The following PLEKHF2 variants were observed in gnomAD, a reference collection of about 807,000 sequenced individuals.
The protein encoded by PLEKHF2 is pleckstrin homology domain-containing family F member 2.
PLEKHF2 carries 4 observed loss-of-function variants against 14.7 expected under a neutral mutation model. That is an observed-to-expected ratio of 0.27 (90% CI 0.13 to 0.62). PLEKHF2 has a LOEUF of 0.62. PLEKHF2 is among the 20% of genes least tolerant of loss of function. The probability of loss-of-function intolerance (pLI) is 0.85; values close to 1 mark genes in which losing one functional copy is unlikely to be tolerated. For synonymous variants in PLEKHF2, 90 were observed against 103.5 expected (o/e 0.87, Z 0.79); for missense variants, 201 against 307.7 (o/e 0.65, Z 2.60).
chr8:95,148,696 T>G (rs1334468771), intron 1 of PLEKHF2, among the ~76,000 whole-genome samples: 6 of 152,110 alleles, frequency 3.9e-5, no homozygotes, highest in Non-Finnish European at 8.8e-5. Context: ...ATTATTCCCA[T>G]GTACAAGTAA....
In PLEKHF2 at chr8:95,143,093, C is replaced by CTTT. The variant is rs35086823; in HGVS notation, c.-15+9076_-15+9078dup. Among the ~76,000 whole-genome samples the CTTT allele has an allele frequency of 1.1e-3, 151 of 141,042 alleles. 3 individuals are homozygous for CTTT. Among genetic ancestry groups the CTTT allele is most frequent in the African/African-American group, 2.2e-3 (82 of 37,612 alleles). 92.5% of individuals were successfully genotyped at this position (141,042 alleles called of 152,430 possible). The stretch of plus-strand genomic sequence containing the variant: ...CAAATACAAAGTTGGAGGAAATAAT[C>CTTT]TTTTTTTTTTTTTTTCTTTTTTTTG... On this transcript the variant is annotated intron_variant, in intron 1 of 1. Transcript: ENST00000315367.
intron 1 of PLEKHF2, among the ~76,000 whole-genome samples, chr8:95,143,093 C>CTTTTTT (rs35086823): frequency 1.1e-4 from 16 of 141,042 alleles, no homozygotes; most frequent in Non-Finnish European, 2.0e-4. Flanking sequence ...AGGAAATAAT[C>CTTTTTT]TTTTTTTTTT....
rs114661450 is a variant in PLEKHF2 at position 95,139,356 on chromosome 8, A to G, written c.-15+5326A>G. ...AAACCCCGTCTCTACAAAATACACAAAAATTAGTTGGGCAGGGTGGCATGC... is the reference window on the plus strand; with the variant it reads ...AAACCCCGTCTCTACAAAATACACAGAAATTAGTTGGGCAGGGTGGCATGC... On this transcript the variant is annotated intron_variant, in intron 1 of 1. Coordinates refer to ENST00000315367, the MANE Select transcript of PLEKHF2 (RefSeq NM_024613.4). 6.2e-3 allele frequency among the ~76,000 whole-genome samples: 940 copies of G among 152,294 alleles called. 11 individuals carry two copies. Among genetic ancestry groups the G allele is most frequent in the African/African-American group, 0.022 (895 of 41,562 alleles).
intron 1 of PLEKHF2, among the ~76,000 whole-genome samples, chr8:95,143,824 C>G (rs1411739641): frequency 6.6e-6 from 1 of 152,082 alleles, no homozygotes; most frequent in Non-Finnish European, 1.5e-5. Context: ...TTCTGTTGGC[C>G]AAGGAATCTG....
chr8:95,151,128 ATAT>A (rs1810557794), intron 1 of PLEKHF2, among the ~76,000 whole-genome samples: 2 of 152,254 alleles, frequency 1.3e-5, no homozygotes, highest in South Asian at 2.1e-4. Flanking sequence ...AGTTCAGCTA[ATAT>A]TATTAGATGC....
At chr8:95,141,468 T>C (rs1443787869) in intron 1 of PLEKHF2, among the ~76,000 whole-genome samples, 1 of 152,202 alleles carries the variant, frequency 6.6e-6, no homozygotes, top group East Asian at 1.9e-4. Context: ...TGTGTTATTT[T>C]TCCCCCCTTT....
intron 1 of PLEKHF2, among the ~76,000 whole-genome samples, chr8:95,140,660 G>A (rs139051122): frequency 2.0e-5 from 3 of 152,270 alleles, no homozygotes; most frequent in Admixed American, 2.0e-4. Context: ...ACCCCAGATA[G>A]TTTGAGCTAC....
intron 1 of PLEKHF2, among the ~76,000 whole-genome samples, chr8:95,137,515 G>C (rs1396822801): frequency 6.6e-6 from 1 of 152,152 alleles, no homozygotes; most frequent in Admixed American, 6.5e-5. Flanking sequence ...AAACATCCCC[G>C]ATTTTAGTGT....
rs900743412 is a variant in PLEKHF2, at chr8:95,151,203, C to T, written c.-14-2828C>T. Reference sequence around the variant, plus strand: ...CATAGGCATTTCAAACAGTTCAAATCAGAAAATAATATGAAAAGCACAGTA... The same window carrying T: ...CATAGGCATTTCAAACAGTTCAAATTAGAAAATAATATGAAAAGCACAGTA... On this transcript the variant is annotated intron_variant, in intron 1 of 1. Transcript: ENST00000315367. Among the ~76,000 whole-genome samples the T allele has an allele frequency of 7.2e-5, 11 of 152,152 alleles. 2 individuals are homozygous for T. Among genetic ancestry groups the T allele is most frequent in the East Asian group, 1.9e-4 (1 of 5,192 alleles).
At chr8:95,153,151 G>A (rs190094939) in intron 1 of PLEKHF2, among the ~76,000 whole-genome samples, 2 of 152,082 alleles carry the variant, frequency 1.3e-5, no homozygotes, top group Admixed American at 1.3e-4. Flanking sequence ...ACAGATTTCA[G>A]TCCTTTGGTA....
intron 1 of PLEKHF2, among the ~76,000 whole-genome samples, chr8:95,134,913 C>G (rs545207484): frequency 6.6e-6 from 1 of 152,324 alleles, no homozygotes; most frequent in African/African-American, 2.4e-5. Flanking sequence ...GGCATGTGTT[C>G]TCTTAAGAAT....
intron 1 of PLEKHF2, among the ~76,000 whole-genome samples, chr8:95,151,603 T>A (rs1470552251): frequency 6.6e-6 from 1 of 152,088 alleles, no homozygotes; most frequent in Non-Finnish European, 1.5e-5. Flanking sequence ...TTCAATTTTG[T>A]TTTCTCTTTC....
intron 1 of PLEKHF2, among the ~76,000 whole-genome samples, chr8:95,135,100 C>T (rs941225254): frequency 2.0e-5 from 3 of 152,066 alleles, no homozygotes; most frequent in Admixed American, 1.3e-4. Context: ...CCCGACCACA[C>T]GGGGAATGAA....
rs1484614535 is a variant in PLEKHF2 at position 95,155,981 on chromosome 8, C to G, written c.*1187C>G. On this transcript the variant is annotated 3_prime_UTR_variant, in exon 2 of 2. Transcript: ENST00000315367. ...TGTATGTATAATCTGTATTTGAAAT[C>G]ATTTTGCAATCTATGGAAATAGAGT... 6.0e-6 allele frequency: 1 copy of G among 167,002 alleles called. No individual in the cohort carries two copies. The highest frequency in any genetic ancestry group is 2.4e-5 in the African/African-American group (1 of 41,442). The allele number at this position is 167,002 out of a possible 1,614,324, so 10.3% of individuals were successfully genotyped here.
chr8:95,150,506 C>T (rs182814198), intron 1 of PLEKHF2, among the ~76,000 whole-genome samples: 65 of 152,218 alleles, frequency 4.3e-4, no homozygotes, highest in African/African-American at 1.5e-3. Flanking sequence ...TTATGTTGGT[C>T]ATTGTCAAAC....
intron 1 of PLEKHF2, among the ~76,000 whole-genome samples, chr8:95,148,323 A>G (rs1810523452): frequency 6.6e-6 from 1 of 152,046 alleles, no homozygotes; most frequent in African/African-American, 2.4e-5. Context: ...TTTTTCTGAT[A>G]TGCCAGAGAC....
intron 1 of PLEKHF2, among the ~76,000 whole-genome samples, chr8:95,147,157 C>T (rs566510757): frequency 6.6e-6 from 1 of 152,140 alleles, no homozygotes; most frequent in Non-Finnish European, 1.5e-5. Context: ...ATCAACATTT[C>T]AGTGGGATTT....
chr8:95,156,440 G>A lies in PLEKHF2; in HGVS notation c.*1646G>A, dbSNP rs1273163063. 1 of 166,854 alleles carries A rather than the reference G, an allele frequency of 6.0e-6. No homozygotes were observed. The allele number at this position is 166,854 out of a possible 1,614,324, so 10.3% of individuals were successfully genotyped here. A position where few individuals can be genotyped will look rare whatever the true frequency, so the allele number is the denominator to read the frequency against. On this transcript the variant is annotated 3_prime_UTR_variant, in exon 2 of 2. Coordinates refer to ENST00000315367, the MANE Select transcript of PLEKHF2 (RefSeq NM_024613.4). ...CAAAACTAGGGTTTTTTGTTCATTT[G>A]CTTGCTTTTATGATTTTTTTTGGTT...
At chr8:95,149,012 C>T (rs577736791) in intron 1 of PLEKHF2, among the ~76,000 whole-genome samples, 3 of 151,544 alleles carry the variant, frequency 2.0e-5, no homozygotes, top group African/African-American at 4.8e-5. Flanking sequence ...GATTAATATA[C>T]TAGGAAAACA....
Sources: allele counts gnomAD v4.1 joint callset (sites outside exome capture counted in the v4.1 genomes callset), GRCh38; gene constraint gnomAD v4.1.1; transcripts MANE v1.5; gene names NCBI Gene and HGNC (gene_info 2026-07-23, HGNC 2026-07-21).